RCOR3: variants seen among roughly 807,000 people sequenced by gnomAD.
The protein encoded by RCOR3 is REST corepressor 3.
RCOR3 carries 13 observed loss-of-function variants against 64.1 expected under a neutral mutation model. The ratio of observed to expected loss-of-function variants is 0.20; its 90% CI spans 0.13 to 0.32. The LOEUF (loss-of-function observed/expected upper bound fraction) is 0.32, where lower values mean the gene tolerates loss of function less well. RCOR3 is among the 10% of genes least tolerant of loss of function. RCOR3 has a pLI of 1.00. For missense variants in RCOR3, 489 were observed against 701.2 expected, an observed-to-expected ratio of 0.70 and a Z score of 3.42; for synonymous variants, 215 against 239.0, an observed-to-expected ratio of 0.90 and a Z score of 0.93.
chr1:211,308,459 G>T (rs993744476), intron 10 of RCOR3, among the ~76,000 whole-genome samples: 2 of 152,012 alleles, frequency 1.3e-5, no homozygotes, highest in Admixed American at 6.6e-5. Context: ...ATGTCTTAAT[G>T]ATAGAAAAGA....
chr1:211,299,833 A>C (rs545944659), intron 9 of RCOR3, among the ~76,000 whole-genome samples: 4 of 152,202 alleles, frequency 2.6e-5, no homozygotes, highest in African/African-American at 9.6e-5. Flanking sequence ...AGCTAACTAC[A>C]GCTACCACGC....
At chr1:211,285,267 T>C (rs1698374844) in intron 7 of RCOR3, among the ~76,000 whole-genome samples, 1 of 152,234 alleles carries the variant, frequency 6.6e-6, no homozygotes, top group Non-Finnish European at 1.5e-5. Context: ...GAGAATCGTT[T>C]TTGTTTCAAC....
chr1:211,259,869 C>A, intron 1 of RCOR3, 143 bp downstream of exon 1: 1 of 1,102,762 alleles, frequency 9.1e-7, no homozygotes. Context: ...CGGTGCAGTG[C>A]AGCAGCACCC....
At chr1:211,296,005 T>G (rs1363155441) in intron 9 of RCOR3, among the ~76,000 whole-genome samples, 1 of 152,180 alleles carries the variant, frequency 6.6e-6, no homozygotes, top group Middle Eastern at 3.2e-3. Flanking sequence ...AAAATAGTAG[T>G]AGGAACAGTG....
At chr1:211,268,979 T>C (rs1042785393) in intron 2 of RCOR3, among the ~76,000 whole-genome samples, 1 of 152,218 alleles carries the variant, frequency 6.6e-6, no homozygotes, top group South Asian at 2.1e-4. Flanking sequence ...AATGATATTA[T>C]ATTATTGCCT....
At chr1:211,307,259 T>C (rs2102656158) in intron 10 of RCOR3, among the ~76,000 whole-genome samples, 1 of 152,132 alleles carries the variant, frequency 6.6e-6, no homozygotes, top group Admixed American at 6.5e-5. Context: ...GAGGCTGAGG[T>C]AGGTGGATCA....
chr1:211,263,509 C>G (rs1418792627), intron 2 of RCOR3, among the ~76,000 whole-genome samples: 3 of 152,126 alleles, frequency 2.0e-5, no homozygotes, highest in African/African-American at 4.8e-5. Flanking sequence ...TACTCATTTT[C>G]TGCTTAATAG....
chr1:211,268,987 C>T (rs1441925836), intron 2 of RCOR3, among the ~76,000 whole-genome samples: 2 of 152,056 alleles, frequency 1.3e-5, no homozygotes, highest in Admixed American at 6.5e-5. Flanking sequence ...TATATTATTG[C>T]CTGATAGATA....
intron 7 of RCOR3, among the ~76,000 whole-genome samples, chr1:211,283,302 C>T (rs1219017327): frequency 6.6e-6 from 1 of 152,192 alleles, no homozygotes; most frequent in African/African-American, 2.4e-5. Flanking sequence ...TACTGAAGTG[C>T]AAAGCACAGA....
intron 2 of RCOR3, chr1:211,267,936 AT>A: frequency 3.0e-6 from 1 of 328,100 alleles, no homozygotes; most frequent in Admixed American, 4.7e-5. Flanking sequence ...AAAAAGTTTA[AT>A]ATCTCTTTGA....
rs1553259603 is a variant in RCOR3 at position 211,295,066 on chromosome 1, T to TTTTTTTTTTTTTTTG, written c.940-609_940-608insTTTTTTTTTTTTTGT. Among the ~76,000 whole-genome samples the TTTTTTTTTTTTTTTG allele has an allele frequency of 4.4e-5, 5 of 113,310 alleles. 1 individual carries two copies. The highest frequency in any genetic ancestry group is 1.0e-4 in the Admixed American group (1 of 9,962). The allele number at this position is 113,310 out of a possible 152,430, so 74.3% of individuals were successfully genotyped here. A position where few individuals can be genotyped will look rare whatever the true frequency, so the allele number is the denominator to read the frequency against. The stretch of plus-strand genomic sequence containing the variant: ...CTAATTTTTTTTTTTTTTTTTTTTT[T>TTTTTTTTTTTTTTTG]TCATAGAGACAGGTTCTCACTATAT... On this transcript the variant is annotated intron_variant, in intron 8 of 11. Coordinates refer to ENST00000419091, the MANE Select transcript of RCOR3 (RefSeq NM_001136223.3).
chr1:211,305,778 G>A (rs1700790646), intron 10 of RCOR3, among the ~76,000 whole-genome samples: 1 of 152,114 alleles, frequency 6.6e-6, no homozygotes, highest in South Asian at 2.1e-4. Flanking sequence ...ACCCAAAGCT[G>A]CATTCAAAGG....
At chr1:211,277,088 AAAAAAAAAC>A (rs1169201664) in intron 5 of RCOR3, among the ~76,000 whole-genome samples, 138 of 151,076 alleles carry the variant, frequency 9.1e-4, no homozygotes, top group African/African-American at 3.2e-3. Flanking sequence ...TCTGTCTCAA[AAAAAAAAAC>A]AAAAAAAACA....
rs577292615 is a variant in RCOR3, at chr1:211,261,527, T to C, written c.223+1363T>C. Reference sequence around the variant, plus strand: ...AATTTTAAATGTTTTATGAAACTAATTTTCTTTATTGATGTTGCTAGTAGG... The same window carrying C: ...AATTTTAAATGTTTTATGAAACTAACTTTCTTTATTGATGTTGCTAGTAGG... On this transcript the variant is annotated intron_variant, in intron 2 of 11. Transcript: ENST00000419091. 5.3e-5 allele frequency among the ~76,000 whole-genome samples: 8 copies of C among 152,340 alleles called. No homozygotes were observed. In the South Asian group the frequency reaches 1.0e-3, roughly 20 times the overall value.
At position 211,313,730 on chromosome 1, in the gene RCOR3, A is replaced by T. The variant is rs1701715914; in HGVS notation, c.1624A>T (p.Ile542Phe). ...TGGTGGTCAACAGCCACCATCACTT[A>T]TTGGAATTCAGACAGATTCACAGTC... is the stretch of plus-strand genomic sequence containing the variant. ...TVGGQQPPSL[I>F]GIQTDSQSSL... is the part of the protein sequence containing the mutation. Residue 542 changes from isoleucine (I) to phenylalanine (F), a missense_variant, in exon 12 of 12, where the codon ATT becomes TTT. Around this residue, in one of 2 missense-constraint regions of RCOR3, gnomAD observed 402 missense variants for 617.0 expected, o/e 0.65. Transcript: ENST00000419091. This position sits in a 1 kb window ranked among gnomAD's most constrained non-coding sequence, Gnocchi z 4.7. 3 of 1,614,114 alleles carry T rather than the reference A, an allele frequency of 1.9e-6. No individual in the cohort carries two copies. Among genetic ancestry groups the T allele is most frequent in the Admixed American group, 1.7e-5 (1 of 60,004 alleles).
rs1215194857 is a variant in RCOR3 at position 211,271,228 on chromosome 1, C to T, written c.224-4C>T. ...TATTCAAAGTAATTATCTTTTTCCC[C>T]CAGGTGCTACAAAGTACACAGATAA... On this transcript the variant is annotated splice_polypyrimidine_tract_variant and splice_region_variant and intron_variant, in intron 2 of 11. Transcript: ENST00000419091. The T allele has an allele frequency of 1.2e-6, 2 of 1,609,754 alleles. No individual in the cohort carries two copies. The highest frequency in any genetic ancestry group is 3.3e-5 in the Admixed American group (2 of 59,760).
intron 10 of RCOR3, among the ~76,000 whole-genome samples, chr1:211,307,240 G>A (rs982050081): frequency 6.6e-6 from 1 of 152,122 alleles, no homozygotes; most frequent in Non-Finnish European, 1.5e-5. Flanking sequence ...TGTAATCCTA[G>A]CACTTTGGGA....
chr1:211,298,439 G>T (rs1373378711), intron 9 of RCOR3, among the ~76,000 whole-genome samples: 1 of 152,164 alleles, frequency 6.6e-6, no homozygotes, highest in Admixed American at 6.5e-5. Context: ...TATAAATCTA[G>T]TAGGGGAAAA....
At chr1:211,261,111 T>A (rs1694193296) in intron 2 of RCOR3, 1 of 152,214 alleles carries the variant, frequency 6.6e-6, no homozygotes, top group South Asian at 2.1e-4. Context: ...TTTTTCCTCC[T>A]TACAGTTTGT....
Sources: gnomAD v4.1 joint callset for allele counts (sites outside exome capture counted in the v4.1 genomes callset) on GRCh38, gnomAD v4.1.1 for gene constraint, gnomAD v4.1.1 regional missense constraint, Gnocchi (gnomAD v3.1) non-coding constraint, MANE v1.5 for transcripts, NCBI Gene and HGNC (gene_info 2026-07-23, HGNC 2026-07-21) for gene names.